The following RTN2 variants were observed in gnomAD, a reference collection of about 807,000 sequenced individuals.
The protein encoded by RTN2 is reticulon-2.
RTN2 carries 36 observed loss-of-function variants against 63.7 expected under a neutral mutation model. The ratio of observed to expected loss-of-function variants is 0.56; its 90% CI spans 0.43 to 0.75. The LOEUF (loss-of-function observed/expected upper bound fraction) is 0.75, where lower values mean the gene tolerates loss of function less well. RTN2 is among the 30% of genes least tolerant of loss of function. RTN2 has a pLI of 0.00. For missense variants in RTN2, 673 were observed against 705.1 expected, an observed-to-expected ratio of 0.95 and a Z score of 0.52; for synonymous variants, 312 against 313.0, an observed-to-expected ratio of 1.00 and a Z score of 0.03.
chr19:45,494,952 CTG>C lies in RTN2; in HGVS notation c.131_132del (p.Ser44Ter). The C allele has an allele frequency of 6.2e-7, 1 of 1,613,980 alleles. No individual in the cohort carries two copies. Among genetic ancestry groups the C allele is most frequent in the Non-Finnish European group, 8.5e-7 (1 of 1,179,990 alleles). On this transcript the variant is annotated frameshift_variant, in exon 3 of 11. Transcript: ENST00000245923. LOFTEE classifies it high-confidence loss of function. The surrounding 1 kb of genome is among the most constrained non-coding windows in gnomAD (Gnocchi z 5.3). The stretch of plus-strand genomic sequence containing the variant: ...GACGTGGTCTCCTCCTCGTCCTCCT[CTG>C]AGAATTCCCGGGCTGTGTGCAGCTC... ...FRELHTAREF[S>X]EEDEEETTSQ... is the part of the protein sequence containing the mutation.
intron 1 of RTN2, 64 bp downstream of exon 1, chr19:45,496,728 C>A: frequency 8.5e-7 from 1 of 1,172,924 alleles, no homozygotes; most frequent in Non-Finnish European, 1.2e-6. Flanking sequence ...GCCGAGGGGA[C>A]ACCGGGGAGT....
At chr19:45,493,058 C>A in intron 5 of RTN2, 102 bp downstream of exon 5, 3 of 1,153,668 alleles carry the variant, frequency 2.6e-6, no homozygotes, top group Non-Finnish European at 3.9e-6. Flanking sequence ...GCTGCGGAAG[C>A]AGATCAGTAA....
At chr19:45,489,881 C>T (rs892452711) in intron 5 of RTN2, among the ~76,000 whole-genome samples, 1 of 151,940 alleles carries the variant, frequency 6.6e-6, no homozygotes, top group Non-Finnish European at 1.5e-5. Context: ...GTAGGTGGCT[C>T]TCACTGTGTT....
Position 45,496,956 on chromosome 19 carries a change from T to C in RTN2, c.-131A>G. The stretch of plus-strand genomic sequence containing the variant: ...TTCTCGCCGCCTCCTCCTCCCGGGC[T>C]GCTCCAGCCGCCGCCGCCGCCGCCG... On this transcript the variant is annotated 5_prime_UTR_variant, in exon 1 of 11. Coordinates refer to ENST00000245923, the MANE Select transcript of RTN2 (RefSeq NM_005619.5). 2.3e-6 allele frequency: 1 copy of C among 441,668 alleles called. No individual in the cohort carries two copies. The highest frequency in any genetic ancestry group is 3.5e-6 in the Non-Finnish European group (1 of 283,594). The allele number at this position is 441,668 out of a possible 1,614,324, so 27.4% of individuals were successfully genotyped here.
In RTN2 at chr19:45,493,065, G is replaced by C. The variant is rs777466194; in HGVS notation, c.1033+95C>G. On this transcript the variant is annotated intron_variant, in intron 5 of 10. Coordinates refer to ENST00000245923, the MANE Select transcript of RTN2 (RefSeq NM_005619.5). ...CCTGCAGCGCTGCGGAAGCAGATCA[G>C]TAATAAAAATGCTCCGGATGTGCAG... The C allele has an allele frequency of 3.2e-4, 387 of 1,200,714 alleles. 1 individual carries two copies. The highest frequency in any genetic ancestry group is 4.4e-4 in the Non-Finnish European group (358 of 810,904). 74.4% of individuals were successfully genotyped at this position (1,200,714 alleles called of 1,614,324 possible).
At chr19:45,491,570 T>C (rs1313320106) in intron 5 of RTN2, among the ~76,000 whole-genome samples, 3 of 148,708 alleles carry the variant, frequency 2.0e-5, no homozygotes, top group Non-Finnish European at 4.5e-5. Context: ...CTCGCTCTGT[T>C]GCCCAAGCTG....
rs765633155 is a variant in RTN2, at chr19:45,495,158, C to T, written c.35-19G>A. The T allele has an allele frequency of 2.5e-6, 4 of 1,613,660 alleles. No individual in the cohort carries two copies. The highest frequency in any genetic ancestry group is 3.4e-6 in the Non-Finnish European group (4 of 1,179,846). On this transcript the variant is annotated intron_variant, in intron 1 of 10. Transcript: ENST00000245923. ...GCTTCTTCTGCGAGAGGGAAAGAAT[C>T]GAAGACTCTTAGAAGCTTAGACTGT...
intron 5 of RTN2, among the ~76,000 whole-genome samples, chr19:45,491,593 G>A (rs947891343): frequency 1.4e-4 from 21 of 148,214 alleles, no homozygotes; most frequent in African/African-American, 4.7e-4. Context: ...GTGCAGTGGC[G>A]CGATCTCAGC....
chr19:45,489,138 G>A, intron 6 of RTN2, 152 bp from the exon 7 acceptor site: 4 of 873,306 alleles, frequency 4.6e-6, no homozygotes, highest in Non-Finnish European at 7.0e-6. Context: ...AGAGGGCTGG[G>A]GTCAGGGTCA....
intron 5 of RTN2, among the ~76,000 whole-genome samples, chr19:45,489,822 G>A (rs941199182): frequency 1.1e-4 from 17 of 151,562 alleles, no homozygotes; most frequent in Admixed American, 3.3e-4. Context: ...GGGACTACAG[G>A]TGTGCACCAC....
At chr19:45,486,017 A>T in intron 10 of RTN2, 38 bp downstream of exon 10, 1 of 1,600,746 alleles carries the variant, frequency 6.2e-7, no homozygotes, top group Non-Finnish European at 8.6e-7. Flanking sequence ...AAGCTCCCCC[A>T]CTTCCCCCTC....
In RTN2 at chr19:45,495,102, G is replaced by A; in HGVS notation, c.72C>T (p.Ser24=). Residue 24 remains serine (S), a synonymous_variant, in exon 2 of 11, where the codon TCC becomes TCT. Transcript: ENST00000245923. ...ATGCTCCCCACCACTTACCTTCTGT[G>A]GAATCAGGAGTTGAGGAGGCTGTAG... ...APSTASSTPD[S]TEGGNDDSDF... 1 of 1,614,178 alleles carries A rather than the reference G, an allele frequency of 6.2e-7. No individual in the cohort carries two copies.
At chr19:45,487,428 T>A (rs1479585774) in intron 9 of RTN2, among the ~76,000 whole-genome samples, 1 of 152,050 alleles carries the variant, frequency 6.6e-6, no homozygotes, top group Non-Finnish European at 1.5e-5. Flanking sequence ...GGGCATATTA[T>A]CATGTGGCTC....
Position 45,489,442 on chromosome 19 carries a change from T to C in RTN2, c.1145A>G (p.His382Arg), listed in dbSNP as rs1299941264. The C allele has an allele frequency of 1.2e-6, 2 of 1,611,606 alleles. No homozygotes were observed. The highest frequency in any genetic ancestry group is 1.1e-5 in the South Asian group (1 of 90,456). ...LHFSIVSVAA[H>R]LALLLLCGTI... ...GCCGCAGAGCAGCAACAGAGCCAAG[T>C]GCGCGGCCACGGACACGATGCTAAA... is the stretch of plus-strand genomic sequence containing the variant. The change falls in exon 6 of 11, where the codon CAC (histidine) becomes CGC (arginine). Residue 382 changes from histidine to arginine, a missense_variant. Coordinates refer to ENST00000245923, the MANE Select transcript of RTN2 (RefSeq NM_005619.5).
At chr19:45,493,100 G>A in intron 5 of RTN2, 60 bp downstream of exon 5, 1 of 1,467,626 alleles carries the variant, frequency 6.8e-7, no homozygotes. Flanking sequence ...GGAGATAAGG[G>A]CGAGTTTGGA....
chr19:45,492,569 T>C (rs1332239168), intron 5 of RTN2, among the ~76,000 whole-genome samples: 1 of 152,134 alleles, frequency 6.6e-6, no homozygotes, highest in East Asian at 1.9e-4. Context: ...AGTAATCTGC[T>C]TTCCTTTGAG....
rs1968283411 is a variant in RTN2 at position 45,496,840 on chromosome 19, C to A, written c.-15G>T. Reference sequence around the variant, plus strand: ...ACCTGCCCCATGGCCCCCCTCGGGCCTGCATCGGGACCCCCGCCCACTCCG... The same window carrying A: ...ACCTGCCCCATGGCCCCCCTCGGGCATGCATCGGGACCCCCGCCCACTCCG... On this transcript the variant is annotated 5_prime_UTR_variant, in exon 1 of 11. It adds an upstream start codon to the 5' untranslated region. Transcript: ENST00000245923. 4 of 1,478,800 alleles carry A rather than the reference C, an allele frequency of 2.7e-6. No homozygotes were observed. The highest frequency in any genetic ancestry group is 2.2e-5 in the Admixed American group (1 of 46,448). 91.6% of individuals were successfully genotyped at this position (1,478,800 alleles called of 1,614,324 possible).
In RTN2 at chr19:45,494,171, A is replaced by C; in HGVS notation, c.809T>G (p.Leu270Arg). The stretch of plus-strand genomic sequence containing the variant: ...TCTTCATACACGTTGCTTACCTAGA[A>C]GGCGTGGCTCCACCGTGAATTCTAA... ...DQLEFTVEPR[L>R]LGTAMEWLKT... Residue 270 changes from leucine to arginine, a missense_variant, in exon 4 of 11, where the codon CTT (leucine) becomes CGT (arginine). Transcript: ENST00000245923. This position sits in a 1 kb window ranked among gnomAD's most constrained non-coding sequence, Gnocchi z 5.3. 1 of 1,601,604 alleles carries C rather than the reference A, an allele frequency of 6.2e-7. No individual in the cohort carries two copies. The highest frequency in any genetic ancestry group is 1.1e-5 in the South Asian group (1 of 91,072).
intron 1 of RTN2, among the ~76,000 whole-genome samples, chr19:45,496,005 C>T (rs1968260866): frequency 6.6e-6 from 1 of 152,154 alleles, no homozygotes; most frequent in African/African-American, 2.4e-5. Context: ...GTGTTGAAAT[C>T]CCCAGCTGTC....
Sources: gnomAD v4.1 joint callset for allele counts (sites outside exome capture counted in the v4.1 genomes callset) on GRCh38, gnomAD v4.1.1 for gene constraint, Gnocchi (gnomAD v3.1) non-coding constraint, MANE v1.5 for transcripts, NCBI Gene and HGNC (gene_info 2026-07-23, HGNC 2026-07-21) for gene names.